The following HNRNPK variants were observed in gnomAD, a reference collection of about 807,000 sequenced individuals.
The protein encoded by HNRNPK is heterogeneous nuclear ribonucleoprotein K.
HNRNPK carries 7 observed loss-of-function variants against 67.0 expected under a neutral mutation model. The ratio of observed to expected loss-of-function variants is 0.10; its 90% CI spans 0.06 to 0.20. HNRNPK has a LOEUF of 0.20. HNRNPK is among the 10% of genes least tolerant of loss of function. The pLI is 1.00. For missense variants in HNRNPK, 264 were observed against 606.5 expected (o/e 0.44, Z 5.93); for synonymous variants, 213 against 193.7 (o/e 1.10, Z -0.83).
intron 10 of HNRNPK, 66 bp downstream of exon 10, chr9:83,972,778 A>G: frequency 2.4e-6 from 3 of 1,249,936 alleles, no homozygotes; most frequent in Non-Finnish European, 3.3e-6. Context: ...CTCTGAAGCT[A>G]CTTTTGCAGA....
chr9:83,970,411 A>G (rs1956772529), intron 15 of HNRNPK, 80 bp from the exon 16 acceptor site: 2 of 1,099,688 alleles, frequency 1.8e-6, no homozygotes, highest in Non-Finnish European at 2.6e-6. Flanking sequence ...GCATGAAGTT[A>G]TTAATTTTAT....
At chr9:83,979,624 G>A (rs1957270272) in intron 1 of HNRNPK, among the ~76,000 whole-genome samples, 2 of 152,174 alleles carry the variant, frequency 1.3e-5, no homozygotes, top group South Asian at 2.1e-4. Flanking sequence ...GATCCGACAG[G>A]AAATGGCGGC....
rs1175629490 is a variant in HNRNPK, at chr9:83,971,243, A to T, written c.1092+30T>A. Reference sequence around the variant, plus strand: ...AGGTAAGCATCTTAAATTATCACTGATATACACACGAACAACTATGATACT... The same window carrying T: ...AGGTAAGCATCTTAAATTATCACTGTTATACACACGAACAACTATGATACT... On this transcript the variant is annotated intron_variant, in intron 13 of 16. Transcript: ENST00000376263. The T allele has an allele frequency of 3.7e-6, 5 of 1,367,998 alleles. No homozygotes were observed. The Admixed American group carries it at 6.7e-5, about 18-fold the overall frequency. 84.7% of individuals were successfully genotyped at this position (1,367,998 alleles called of 1,614,324 possible).
At chr9:83,978,322 A>G in intron 2 of HNRNPK, 43 bp from the exon 3 acceptor site, 1 of 1,529,094 alleles carries the variant, frequency 6.5e-7, no homozygotes, top group Non-Finnish European at 8.7e-7. Flanking sequence ...CTTATTGGAA[A>G]GCAAGCTGTA....
rs1463278101 is a variant in HNRNPK at position 83,978,298 on chromosome 9, G to C, written c.-27-19C>G. 2 of 1,514,426 alleles carry C rather than the reference G, an allele frequency of 1.3e-6. No individual in the cohort carries two copies. The highest frequency in any genetic ancestry group is 2.4e-5 in the East Asian group (1 of 41,572). The allele number at this position is 1,514,426 out of a possible 1,614,324, so 93.8% of individuals were successfully genotyped here. A position where few individuals can be genotyped will look rare whatever the true frequency, so the allele number is the denominator to read the frequency against. The stretch of plus-strand genomic sequence containing the variant: ...CACCAATCTGTGGAAAAATAAAGCA[G>C]CTAGTACATTTGGCTTATTGGAAAG... On this transcript the variant is annotated intron_variant, in intron 2 of 16. Coordinates refer to ENST00000376263, the MANE Select transcript of HNRNPK (RefSeq NM_031263.4).
chr9:83,977,464 TCTC>T (rs1000927795), intron 4 of HNRNPK, among the ~76,000 whole-genome samples: 56 of 152,222 alleles, frequency 3.7e-4, no homozygotes, highest in Admixed American at 3.4e-3. Flanking sequence ...AGAATCACAC[TCTC>T]CTCCTAGTTT....
At chr9:83,974,081 A>G in intron 7 of HNRNPK, 108 bp from the exon 8 acceptor site, 1 of 650,262 alleles carries the variant, frequency 1.5e-6, no homozygotes, top group Non-Finnish European at 2.6e-6. Context: ...ATATTATTAA[A>G]TAATGAGAAA....
intron 4 of HNRNPK, among the ~76,000 whole-genome samples, chr9:83,977,345 T>G (rs1435757949): frequency 6.6e-6 from 1 of 152,178 alleles, no homozygotes; most frequent in Non-Finnish European, 1.5e-5. Flanking sequence ...ATTAATTTAG[T>G]ATTAGTAGGT....
At chr9:83,970,508 T>A in intron 15 of HNRNPK, 177 bp from the exon 16 acceptor site, 1 of 647,646 alleles carries the variant, frequency 1.5e-6, no homozygotes, top group Non-Finnish European at 2.6e-6. Context: ...CTTACTAATG[T>A]TTCCCTTAGT....
intron 13 of HNRNPK, 44 bp downstream of exon 13, chr9:83,971,229 T>G: frequency 7.8e-7 from 1 of 1,282,642 alleles, no homozygotes; most frequent in Non-Finnish European, 1.1e-6. Flanking sequence ...GGTAAGCATC[T>G]TAAATTATCA....
intron 15 of HNRNPK, 164 bp downstream of exon 15, chr9:83,970,573 G>C (rs2133017856): frequency 1.5e-6 from 1 of 658,868 alleles, no homozygotes; most frequent in Non-Finnish European, 2.6e-6. Flanking sequence ...CTGATCACTT[G>C]ACAAGACTCA....
In HNRNPK at chr9:83,969,197, T is replaced by G; in HGVS notation, c.*210A>C. 12 of 551,912 alleles carry G rather than the reference T, an allele frequency of 2.2e-5. No homozygotes were observed. The highest frequency in any genetic ancestry group is 5.9e-5 in the East Asian group (2 of 34,028). The allele number at this position is 551,912 out of a possible 1,614,324, so 34.2% of individuals were successfully genotyped here. A position where few individuals can be genotyped will look rare whatever the true frequency, so the allele number is the denominator to read the frequency against. ...CACGCCCTTCCCCCCCCCAACCCTG[T>G]TTGTAAGGAACTAAAACATTACATC... is the stretch of plus-strand genomic sequence containing the variant. On this transcript the variant is annotated 3_prime_UTR_variant, in exon 17 of 17. Coordinates refer to ENST00000376263, the MANE Select transcript of HNRNPK (RefSeq NM_031263.4).
chr9:83,971,853 A>AAAC lies in HNRNPK; in HGVS notation c.953+26_953+28dup, dbSNP rs544665964. 2.8e-5 allele frequency: 44 copies of AAAC among 1,558,828 alleles called. 2 individuals carry two copies. The East Asian group carries it at 9.3e-4, about 33-fold the overall frequency. On this transcript the variant is annotated intron_variant, in intron 11 of 16. Transcript: ENST00000376263. Reference sequence around the variant, plus strand: ...AATAATTCATAGATGGGGGAAGAAAAAACAACAACAACAAAAAAAACAACT... The same window carrying AAAC: ...AATAATTCATAGATGGGGGAAGAAAAAACAACAACAACAACAAAAAAAACAACT...
chr9:83,970,833 T>C lies in HNRNPK; in HGVS notation c.1109-14A>G. ...CATAGGAATAATCTGATTTAAATAATGAGCAGTAAGTTCATTTAAAAAGTA... is the reference window on the plus strand; with the variant it reads ...CATAGGAATAATCTGATTTAAATAACGAGCAGTAAGTTCATTTAAAAAGTA... On this transcript the variant is annotated splice_polypyrimidine_tract_variant and intron_variant, in intron 14 of 16. Transcript: ENST00000376263. The C allele has an allele frequency of 1.2e-6, 2 of 1,608,842 alleles. No individual in the cohort carries two copies. The highest frequency in any genetic ancestry group is 1.7e-6 in the Non-Finnish European group (2 of 1,175,214).
intron 12 of HNRNPK, 101 bp downstream of exon 12, chr9:83,971,571 T>C: frequency 9.9e-7 from 1 of 1,005,632 alleles, no homozygotes; most frequent in Non-Finnish European, 1.5e-6. Context: ...AATTTACTTG[T>C]AAGAAAAACT....
chr9:83,972,409 C>A, intron 10 of HNRNPK: 2 of 543,622 alleles, frequency 3.7e-6, no homozygotes, highest in Non-Finnish European at 6.5e-6. Context: ...AGTTCTATTG[C>A]CTATACAGGG....
intron 16 of HNRNPK, 114 bp from the exon 17 acceptor site, chr9:83,969,554 A>G: frequency 1.4e-6 from 1 of 725,736 alleles, no homozygotes; most frequent in Non-Finnish European, 2.4e-6. Context: ...CATTACAATT[A>G]GAAGAGTTCA....
chr9:83,980,359 G>T (rs142068982), upstream of HNRNPK: 1 of 152,386 alleles, frequency 6.6e-6, no homozygotes, highest in Non-Finnish European at 1.5e-5. Context: ...CGACAACCCC[G>T]CCTCCCGCCA....
In HNRNPK at chr9:83,971,971, T is replaced by C. The variant is rs866186478; in HGVS notation, c.864A>G (p.Gly288=). 6.2e-7 allele frequency: 1 copy of C among 1,606,524 alleles called. No individual in the cohort carries two copies. The highest frequency in any genetic ancestry group is 1.7e-4 in the Middle Eastern group (1 of 6,028). ...CTCGTCCGGGAGGAGGGGGAGGTGGTCCTCGACGAGGGCTCATATCATCAT... is the reference window on the plus strand; with the variant it reads ...CTCGTCCGGGAGGAGGGGGAGGTGGCCCTCGACGAGGGCTCATATCATCAT... ...RDYDDMSPRR[G]PPPPPPGRGG... Residue 288 remains glycine (G), a synonymous_variant, in exon 11 of 17, where the codon GGA becomes GGG. Transcript: ENST00000376263.
Sources: gnomAD v4.1 joint callset for allele counts (sites outside exome capture counted in the v4.1 genomes callset) on GRCh38, gnomAD v4.1.1 for gene constraint, MANE v1.5 for transcripts, NCBI Gene and HGNC (gene_info 2026-07-23, HGNC 2026-07-21) for gene names.